TMTC3: variants seen among roughly 807,000 people sequenced by gnomAD.
TMTC3 encodes transmembrane O-mannosyltransferase targeting cadherins 3, also known as protein O-mannosyl-transferase TMTC3.
Under a neutral mutation model 92.2 loss-of-function variants are expected in TMTC3, and 52 were observed. The observed-to-expected ratio is 0.56, with a 90% confidence interval of 0.45 to 0.71. The LOEUF (loss-of-function observed/expected upper bound fraction) is 0.71. Ranked by LOEUF, TMTC3 falls within the 30% of genes least tolerant of loss-of-function variation. The pLI, the probability that TMTC3 is intolerant of heterozygous loss-of-function variation, is 0.00. For missense variants in TMTC3, 896 were observed against 1,057.1 expected, an observed-to-expected ratio of 0.85 and a Z score of 2.11; for synonymous variants, 339 against 363.3, an observed-to-expected ratio of 0.93 and a Z score of 0.76.
At chr12:88,159,416 G>A (rs75466346) in intron 4 of TMTC3, among the ~76,000 whole-genome samples, 1,622 of 152,208 alleles carry the variant, frequency 0.011, 29 homozygotes, top group African/African-American at 0.037. Flanking sequence ...GCTCGTGCCT[G>A]GAATCCCAGC....
Position 88,160,213 on chromosome 12 carries a change from T to G in TMTC3, c.608T>G (p.Val203Gly). The G allele has an allele frequency of 6.4e-7, 1 of 1,558,182 alleles. No homozygotes were observed. The highest frequency in any genetic ancestry group is 8.6e-7 in the Non-Finnish European group (1 of 1,156,534). The change falls in exon 5 of 14, where the codon GTG becomes GGG. Residue 203 changes from valine to glycine, a missense_variant. Coordinates refer to ENST00000266712, the MANE Select transcript of TMTC3 (RefSeq NM_181783.4). Reference protein sequence around the residue: ...TVVGICCVYEVFIAQGYTLPL... With the variant: ...TVVGICCVYEGFIAQGYTLPL... ...GTAGGAATTTGCTGTGTGTATGAAG[T>G]GTTTATTGCCCAGGGGGTAAGCCAA...
chr12:88,190,167 A>C (rs1203927459), intron 11 of TMTC3, among the ~76,000 whole-genome samples: 1 of 152,212 alleles, frequency 6.6e-6, no homozygotes, highest in East Asian at 1.9e-4. Context: ...AATGTAAATA[A>C]AATAGTACTT....
At chr12:88,144,400 TTTC>T (rs1019494593) in intron 1 of TMTC3, among the ~76,000 whole-genome samples, 105 of 151,682 alleles carry the variant, frequency 6.9e-4, no homozygotes, top group African/African-American at 2.4e-3. Flanking sequence ...TCTAACACCT[TTTC>T]TTCTGTTTTT....
chr12:88,180,690 G>A (rs904175535), intron 10 of TMTC3, among the ~76,000 whole-genome samples: 15 of 152,008 alleles, frequency 9.9e-5, no homozygotes, highest in African/African-American at 3.6e-4. Flanking sequence ...TTCATTTCTG[G>A]TACCAGGTTG....
chr12:88,175,124 A>T (rs2041244980), intron 9 of TMTC3, among the ~76,000 whole-genome samples: 1 of 152,094 alleles, frequency 6.6e-6, no homozygotes, highest in Non-Finnish European at 1.5e-5. Context: ...TGGTACTTAA[A>T]ATAATGATGT....
chr12:88,192,813 T>C lies in TMTC3; in HGVS notation c.1916T>C (p.Ile639Thr), dbSNP rs1175638244. The change falls in exon 13 of 14, where the codon ATA (isoleucine) becomes ACA (threonine). Residue 639 changes from isoleucine (I) to threonine (T), a missense_variant. Coordinates refer to ENST00000266712, the MANE Select transcript of TMTC3 (RefSeq NM_181783.4). ...AAACTAGCATTATTCAACTCTGCTA[T>C]AGTAATGCAAGAATCAGGTATGTTT... ...KHKLALFNSA[I>T]VMQESGEVKL... 2 of 1,609,716 alleles carry C rather than the reference T, an allele frequency of 1.2e-6. No individual in the cohort carries two copies. The highest frequency in any genetic ancestry group is 1.7e-6 in the Non-Finnish European group (2 of 1,177,938).
At chr12:88,165,027 T>C (rs1044313358) in intron 6 of TMTC3, among the ~76,000 whole-genome samples, 1 of 152,162 alleles carries the variant, frequency 6.6e-6, no homozygotes, top group South Asian at 2.1e-4. Context: ...TTTTCTGTTA[T>C]TCCTTTTAGA....
chr12:88,188,941 C>G lies in TMTC3; in HGVS notation c.1531C>G (p.Pro511Ala). The part of the protein sequence containing the change: ...ESYMMAKSLM[P>A]QIIPGKKYAA... ...TTACATGATGGCTAAATCACTGATG[C>G]CTCAAGTAAGTTGCCATAATTTATC... The change falls in exon 11 of 14, where the codon CCT (proline) becomes GCT (alanine). Residue 511 changes from proline (P) to alanine (A), a missense_variant. Coordinates refer to ENST00000266712, the MANE Select transcript of TMTC3 (RefSeq NM_181783.4). The G allele has an allele frequency of 6.3e-7, 1 of 1,575,930 alleles. No homozygotes were observed. Among genetic ancestry groups the G allele is most frequent in the Non-Finnish European group, 8.7e-7 (1 of 1,153,350 alleles).
At chr12:88,148,177 A>G (rs986274974) in intron 1 of TMTC3, 111 bp from the exon 2 acceptor site, 10 of 647,754 alleles carry the variant, frequency 1.5e-5, no homozygotes, top group Middle Eastern at 8.6e-4. Context: ...ATGGCATTTT[A>G]GCTGCGCTTT....
intron 4 of TMTC3, 112 bp downstream of exon 4, chr12:88,154,499 C>T (rs542829196): frequency 1.7e-6 from 1 of 581,762 alleles, no homozygotes; most frequent in Non-Finnish European, 2.8e-6. Flanking sequence ...TGGGATTTAT[C>T]TTTATGTATT....
At chr12:88,149,542 A>G (rs1173496458) in intron 2 of TMTC3, among the ~76,000 whole-genome samples, 1 of 152,200 alleles carries the variant, frequency 6.6e-6, no homozygotes, top group Non-Finnish European at 1.5e-5. Flanking sequence ...TAAAAACATA[A>G]GTCATTTAAG....
At chr12:88,180,784 C>G (rs970131867) in intron 10 of TMTC3, among the ~76,000 whole-genome samples, 1 of 151,928 alleles carries the variant, frequency 6.6e-6, no homozygotes, top group Non-Finnish European at 1.5e-5. Context: ...CAAGCATATT[C>G]TCTTCCCCAT....
At chr12:88,146,878 A>G (rs1426014217) in intron 1 of TMTC3, among the ~76,000 whole-genome samples, 3 of 150,108 alleles carry the variant, frequency 2.0e-5, no homozygotes, top group Admixed American at 6.7e-5. Flanking sequence ...CAGAAACTAC[A>G]TAGTCAGTAG....
Position 88,195,903 on chromosome 12 carries a change from T to C in TMTC3, c.*254T>C, listed in dbSNP as rs2041507167. 3.6e-5 allele frequency: 10 copies of C among 281,278 alleles called. No homozygotes were observed. The East Asian group carries it at 5.9e-4, about 17-fold the overall frequency. 17.4% of individuals were successfully genotyped at this position (281,278 alleles called of 1,614,324 possible). A position where few individuals can be genotyped will look rare whatever the true frequency, so the allele number is the denominator to read the frequency against. On this transcript the variant is annotated 3_prime_UTR_variant, in exon 14 of 14. Coordinates refer to ENST00000266712, the MANE Select transcript of TMTC3 (RefSeq NM_181783.4). ...GAAGTGACAAATTTACAACTTTTAT[T>C]ATAGAAAGAAGGTGTTTCTGGCAAT...
intron 10 of TMTC3, among the ~76,000 whole-genome samples, chr12:88,178,499 T>G (rs2041283079): frequency 6.6e-6 from 1 of 152,186 alleles, no homozygotes; most frequent in Admixed American, 6.5e-5. Flanking sequence ...CTCTGTATCT[T>G]TCCTATATTT....
chr12:88,198,033 T>C lies in TMTC3; in HGVS notation c.*2384T>C. On this transcript the variant is annotated 3_prime_UTR_variant, in exon 14 of 14. Coordinates refer to ENST00000266712, the MANE Select transcript of TMTC3 (RefSeq NM_181783.4). ...AGTAATGTACCCAGTTAAGTTTTGA[T>C]GGTTTAAATTCCACTAAAGAACATA... is the stretch of plus-strand genomic sequence containing the variant. 3.5e-6 allele frequency: 1 copy of C among 283,698 alleles called. No individual in the cohort carries two copies. Among genetic ancestry groups the C allele is most frequent in the Non-Finnish European group, 6.5e-6 (1 of 153,996 alleles). The allele number at this position is 283,698 out of a possible 1,614,324, so 17.6% of individuals were successfully genotyped here.
At chr12:88,155,657 G>T (rs1191456891) in intron 4 of TMTC3, among the ~76,000 whole-genome samples, 1 of 151,982 alleles carries the variant, frequency 6.6e-6, no homozygotes, top group Non-Finnish European at 1.5e-5. Context: ...TATATTATCA[G>T]GCCTCAGCTT....
intron 10 of TMTC3, among the ~76,000 whole-genome samples, chr12:88,184,797 C>T (rs957464802): frequency 1.3e-5 from 2 of 151,918 alleles, no homozygotes; most frequent in Non-Finnish European, 2.9e-5. Flanking sequence ...TATACACACA[C>T]ACAAAATATA....
intron 10 of TMTC3, among the ~76,000 whole-genome samples, chr12:88,188,095 A>G (rs2041399282): frequency 6.6e-6 from 1 of 152,186 alleles, no homozygotes; most frequent in South Asian, 2.1e-4. Context: ...AAAATCTAAA[A>G]TTAATTTTAA....
Sources: allele counts gnomAD v4.1 joint callset (sites outside exome capture counted in the v4.1 genomes callset), GRCh38; gene constraint gnomAD v4.1.1; transcripts MANE v1.5; gene names NCBI Gene and HGNC (gene_info 2026-07-23, HGNC 2026-07-21).